The following RSF1 variants were observed in gnomAD, a reference collection of about 807,000 sequenced individuals.
RSF1 encodes HBV pX-associated protein 8.
In RSF1, 13 loss-of-function variants were observed where a neutral mutation model predicts 145.2. The ratio of observed to expected loss-of-function variants is 0.09; its 90% CI spans 0.06 to 0.14. RSF1 has a LOEUF of 0.14. RSF1 is among the 10% of genes least tolerant of loss of function. RSF1 has a pLI of 1.00. For synonymous variants in RSF1, 577 were observed against 592.6 expected, an observed-to-expected ratio of 0.97 and a Z score of 0.38; for missense variants, 1,517 against 1,718.2, an observed-to-expected ratio of 0.88 and a Z score of 2.07.
the RSF1 span, among the ~76,000 whole-genome samples, chr11:77,826,265 G>C: frequency 6.6e-6 from 1 of 152,030 alleles, no homozygotes; most frequent in South Asian, 2.1e-4. Context: ...GGGAGGCTGA[G>C]GCAGGAGAAT....
At chr11:77,715,350 T>C (rs1467096900) in intron 5 of RSF1, among the ~76,000 whole-genome samples, 1 of 152,226 alleles carries the variant, frequency 6.6e-6, no homozygotes, top group Admixed American at 6.5e-5. Flanking sequence ...CTTTTATTCC[T>C]ATAAAAGGAA....
At chr11:77,769,280 T>G (rs556884715) in intron 1 of RSF1, among the ~76,000 whole-genome samples, 172 of 152,318 alleles carry the variant, frequency 1.1e-3, no homozygotes, top group Non-Finnish European at 2.0e-3. Context: ...CAATCATATT[T>G]TTTAAATACA....
intron 1 of RSF1, among the ~76,000 whole-genome samples, chr11:77,806,750 T>C (rs1948681586): frequency 4.6e-5 from 7 of 150,930 alleles, no homozygotes; most frequent in Admixed American, 4.6e-4. Flanking sequence ...AGGAAACACC[T>C]GAGTCATTAA....
At chr11:77,868,028 GTTC>G in the RSF1 span, among the ~76,000 whole-genome samples, 4 of 148,506 alleles carry the variant, frequency 2.7e-5, no homozygotes, top group Non-Finnish European at 5.9e-5. Context: ...GACTTTAACT[GTTC>G]TTCTAGTCTT....
At chr11:77,696,163 T>C (rs566088565) in intron 7 of RSF1, among the ~76,000 whole-genome samples, 119 of 152,260 alleles carry the variant, frequency 7.8e-4, no homozygotes, top group African/African-American at 2.7e-3. Flanking sequence ...ATAACCTAAA[T>C]TTCAAATATC....
intron 1 of RSF1, among the ~76,000 whole-genome samples, chr11:77,794,201 C>T (rs922678583): frequency 6.6e-6 from 1 of 152,174 alleles, no homozygotes; most frequent in East Asian, 1.9e-4. Context: ...CAGATACATA[C>T]CTACTGAACA....
At chr11:77,849,475 C>G in the RSF1 span, among the ~76,000 whole-genome samples, 1 of 152,162 alleles carries the variant, frequency 6.6e-6, no homozygotes, top group Non-Finnish European at 1.5e-5. Flanking sequence ...CTGCCCATCT[C>G]GGCCTCTCAA....
At chr11:77,841,234 C>A in the RSF1 span, 1 of 702,342 alleles carries the variant, frequency 1.4e-6, no homozygotes. Context: ...GGTCCCACCT[C>A]TTAATGTTGT....
chr11:77,750,099 T>TAA (rs796433231), intron 2 of RSF1, among the ~76,000 whole-genome samples: 3 of 144,560 alleles, frequency 2.1e-5, no homozygotes, highest in African/African-American at 5.1e-5. Context: ...CATTTGATGT[T>TAA]AAAAAAAAAA....
intron 5 of RSF1, among the ~76,000 whole-genome samples, chr11:77,720,327 G>A (rs553758446): frequency 6.6e-6 from 1 of 152,160 alleles, no homozygotes; most frequent in Non-Finnish European, 1.5e-5. Flanking sequence ...CTAAATGTTA[G>A]TTGGGCTTCC....
At chr11:77,732,156 T>A (rs896671426) in intron 4 of RSF1, among the ~76,000 whole-genome samples, 5 of 152,234 alleles carry the variant, frequency 3.3e-5, no homozygotes, top group Non-Finnish European at 5.9e-5. Flanking sequence ...GACCCAGATG[T>A]GAGACAGTCA....
At chr11:77,834,449 T>TG in the RSF1 span, among the ~76,000 whole-genome samples, 10 of 148,364 alleles carry the variant, frequency 6.7e-5, no homozygotes, top group South Asian at 2.2e-4. Flanking sequence ...TTGTTTTTTT[T>TG]TTTTTTTTTT....
At chr11:77,788,660 T>G (rs1234516459) in intron 1 of RSF1, among the ~76,000 whole-genome samples, 3 of 152,040 alleles carry the variant, frequency 2.0e-5, no homozygotes, top group South Asian at 4.2e-4. Flanking sequence ...GTAGAAAAAT[T>G]TATATGCTAC....
At chr11:77,678,033 G>T in intron 12 of RSF1, 53 bp downstream of exon 12, 1 of 1,374,888 alleles carries the variant, frequency 7.3e-7, no homozygotes. Flanking sequence ...TTGGGCACCT[G>T]AATGAACTTC....
intron 1 of RSF1, among the ~76,000 whole-genome samples, chr11:77,810,078 T>C (rs1211686854): frequency 1.3e-5 from 2 of 152,230 alleles, no homozygotes; most frequent in African/African-American, 4.8e-5. Context: ...TAAGCTATTA[T>C]CTAGTACATT....
chr11:77,688,253 C>T (rs1300571583), intron 9 of RSF1, among the ~76,000 whole-genome samples: 1 of 152,156 alleles, frequency 6.6e-6, no homozygotes, highest in Non-Finnish European at 1.5e-5. Flanking sequence ...GACCCTGCCA[C>T]TGTACCTGAA....
At position 77,815,180 on chromosome 11, in the gene RSF1, G is replaced by A. The variant is rs1026098079; in HGVS notation, c.187+5348C>T. Among the ~76,000 whole-genome samples, 6 of 152,314 alleles carry A rather than the reference G, an allele frequency of 3.9e-5. No homozygotes were observed. The East Asian group carries it at 7.7e-4, about 20-fold the overall frequency. On this transcript the variant is annotated intron_variant, in intron 1 of 15. Transcript: ENST00000308488. ...TGCTTGTGCCCAACAGTACAAGAGC[G>A]AGCAAAAATGTTTAAAAGTTAGCTA...
chr11:77,745,492 T>C (rs946901947), intron 3 of RSF1, among the ~76,000 whole-genome samples: 1 of 147,872 alleles, frequency 6.8e-6, no homozygotes, highest in African/African-American at 2.6e-5. Context: ...CTCAAGAGTT[T>C]TAAAATTTCC....
At chr11:77,827,709 C>T in the RSF1 span, among the ~76,000 whole-genome samples, 1 of 152,130 alleles carries the variant, frequency 6.6e-6, no homozygotes. Flanking sequence ...AGGTCAGGAA[C>T]AAGACAAGGA....
Sources: gnomAD v4.1 joint callset for allele counts (sites outside exome capture counted in the v4.1 genomes callset) on GRCh38, gnomAD v4.1.1 for gene constraint, MANE v1.5 for transcripts, NCBI Gene and HGNC (gene_info 2026-07-23, HGNC 2026-07-21) for gene names.